SMC4: variants seen among roughly 807,000 people sequenced by gnomAD.
The protein encoded by SMC4 is structural maintenance of chromosomes protein 4.
SMC4 carries 87 observed loss-of-function variants against 145.6 expected under a neutral mutation model. The ratio of observed to expected loss-of-function variants is 0.60; its 90% CI spans 0.50 to 0.71. SMC4 has a LOEUF of 0.71. SMC4 is among the 30% of genes least tolerant of loss of function. SMC4 has a pLI of 0.00. For missense variants in SMC4, 1,447 were observed against 1,537.1 expected, an observed-to-expected ratio of 0.94 and a Z score of 0.98; for synonymous variants, 558 against 500.7, an observed-to-expected ratio of 1.11 and a Z score of -1.53.
chr3:160,404,078 T>G (rs1396999664), intron 4 of SMC4: 2 of 392,566 alleles, frequency 5.1e-6, no homozygotes, highest in Non-Finnish European at 9.0e-6. Context: ...GGAGGTGGGT[T>G]TTTTCGTTGG....
intron 13 of SMC4, among the ~76,000 whole-genome samples, chr3:160,421,649 CAGG>C (rs1560006171): frequency 7.9e-5 from 12 of 152,120 alleles, no homozygotes; most frequent in Admixed American, 7.2e-4. Context: ...GAGGCTGAAG[CAGG>C]AGAATTGCCT....
chr3:160,425,996 A>T, intron 16 of SMC4, 78 bp from the exon 17 acceptor site: 1 of 1,086,726 alleles, frequency 9.2e-7, no homozygotes, highest in Non-Finnish European at 1.3e-6. Context: ...TGAAGATTTT[A>T]AGTGCCCTTT....
At position 160,434,522 on chromosome 3, in the gene SMC4, T is replaced by C. The variant is rs1318634323; in HGVS notation, c.*713T>C. 1.3e-5 allele frequency: 2 copies of C among 152,232 alleles called. No individual in the cohort carries two copies. Among genetic ancestry groups the C allele is most frequent in the African/African-American group, 4.8e-5 (2 of 41,464 alleles). The allele number at this position is 152,232 out of a possible 1,614,324, so 9.4% of individuals were successfully genotyped here. A position where few individuals can be genotyped will look rare whatever the true frequency, so the allele number is the denominator to read the frequency against. ...ATGATAGGTTTATCCGGGTACTAAA[T>C]GCATTTCAACTTGATAGTTTCAACT... On this transcript the variant is annotated 3_prime_UTR_variant, in exon 24 of 24. Coordinates refer to ENST00000357388, the MANE Select transcript of SMC4 (RefSeq NM_001002800.3).
At chr3:160,412,230 T>C (rs1716069862) in intron 6 of SMC4, 96 bp from the exon 7 acceptor site, 5 of 1,425,714 alleles carry the variant, frequency 3.5e-6, no homozygotes, top group Admixed American at 4.5e-5. Flanking sequence ...ATGAACATTC[T>C]CCTTATTAAC....
At chr3:160,424,764 C>T (rs185769086) in intron 15 of SMC4, 103 bp from the exon 16 acceptor site, 85 of 1,279,434 alleles carry the variant, frequency 6.6e-5, no homozygotes, top group Admixed American at 6.4e-4. Flanking sequence ...GAGCTGAGAC[C>T]GCGCCATTGC....
At chr3:160,431,408 A>T (rs535443085) in intron 20 of SMC4, among the ~76,000 whole-genome samples, 2 of 152,322 alleles carry the variant, frequency 1.3e-5, no homozygotes, top group East Asian at 3.9e-4. Flanking sequence ...AGTAACGATT[A>T]GAATTAGACA....
At position 160,433,635 on chromosome 3, in the gene SMC4, ACTTTT is replaced by A. The variant is rs750486854; in HGVS notation, c.3715-17_3715-13del. The A allele has an allele frequency of 2.3e-5, 33 of 1,449,082 alleles. No homozygotes were observed. The highest frequency in any genetic ancestry group is 3.0e-5 in the Non-Finnish European group (32 of 1,069,314). 89.8% of individuals were successfully genotyped at this position (1,449,082 alleles called of 1,614,324 possible). A position where few individuals can be genotyped will look rare whatever the true frequency, so the allele number is the denominator to read the frequency against. ...TTTACCTGTTATTACTTAATGTTTG[ACTTTT>A]CTTTGTTTCTCTTTAGGAACAAACA... is the stretch of plus-strand genomic sequence containing the variant. On this transcript the variant is annotated splice_polypyrimidine_tract_variant and intron_variant, in intron 23 of 23. Coordinates refer to ENST00000357388, the MANE Select transcript of SMC4 (RefSeq NM_001002800.3).
chr3:160,419,034 T>C (rs914134396), intron 11 of SMC4, among the ~76,000 whole-genome samples: 2 of 152,206 alleles, frequency 1.3e-5, no homozygotes, highest in Non-Finnish European at 2.9e-5. Flanking sequence ...TAGGGCACAC[T>C]TATGTATAAC....
intron 6 of SMC4, 117 bp downstream of exon 6, chr3:160,412,201 T>G: frequency 7.0e-7 from 1 of 1,420,946 alleles, no homozygotes; most frequent in Non-Finnish European, 9.5e-7. Flanking sequence ...ATATTGAAAT[T>G]TATATCTTAA....
chr3:160,429,158 A>C (rs1718104344), intron 18 of SMC4, among the ~76,000 whole-genome samples: 1 of 152,152 alleles, frequency 6.6e-6, no homozygotes, highest in African/African-American at 2.4e-5. Context: ...ATGCCATAGG[A>C]AAGTACAGGT....
chr3:160,408,797 G>A (rs915559132), intron 5 of SMC4, among the ~76,000 whole-genome samples: 2 of 152,100 alleles, frequency 1.3e-5, no homozygotes, highest in Non-Finnish European at 2.9e-5. Flanking sequence ...AAGGAAGAAA[G>A]GAAATGGTAG....
In SMC4 at chr3:160,434,177, T is replaced by C. The variant is rs1718735213; in HGVS notation, c.*368T>C. ...AACACTGGAAATGCCTGCCAACTAA[T>C]CTTGGATAGATTCTTTAAGGCATTC... On this transcript the variant is annotated 3_prime_UTR_variant, in exon 24 of 24. Transcript: ENST00000357388. 2 of 169,116 alleles carry C rather than the reference T, an allele frequency of 1.2e-5. No homozygotes were observed. The highest frequency in any genetic ancestry group is 4.8e-5 in the African/African-American group (2 of 41,682). The allele number at this position is 169,116 out of a possible 1,614,324, so 10.5% of individuals were successfully genotyped here.
intron 7 of SMC4, 25 bp from the exon 8 acceptor site, chr3:160,413,444 ATTTC>A (rs1435153657): frequency 6.4e-7 from 1 of 1,557,694 alleles, no homozygotes. Context: ...AGGAGCTTCA[ATTTC>A]TTTTTTTTTT....
chr3:160,420,584 A>AG (rs1282369326), intron 12 of SMC4, 156 bp from the exon 13 acceptor site: 1 of 608,664 alleles, frequency 1.6e-6, no homozygotes, highest in African/African-American at 1.9e-5. Flanking sequence ...TCATAAACTT[A>AG]TACATATTTT....
At position 160,414,094 on chromosome 3, in the gene SMC4, A is replaced by G. The variant is rs569092049; in HGVS notation, c.1122-273A>G. Reference sequence around the variant, plus strand: ...AAGGTAAAACCAAAATTTTACTCCTATGGTAAAATTTTTATATACCTAGAC... The same window carrying G: ...AAGGTAAAACCAAAATTTTACTCCTGTGGTAAAATTTTTATATACCTAGAC... On this transcript the variant is annotated intron_variant, in intron 8 of 23. Coordinates refer to ENST00000357388, the MANE Select transcript of SMC4 (RefSeq NM_001002800.3). The G allele has an allele frequency of 7.6e-5, 34 of 449,232 alleles. No homozygotes were observed. The East Asian group carries it at 8.3e-4, about 11-fold the overall frequency. 27.8% of individuals were successfully genotyped at this position (449,232 alleles called of 1,614,324 possible).
chr3:160,424,103 ATTAT>A (rs1261791570), intron 15 of SMC4, among the ~76,000 whole-genome samples: 2 of 152,200 alleles, frequency 1.3e-5, no homozygotes, highest in Non-Finnish European at 2.9e-5. Flanking sequence ...AACTTACATA[ATTAT>A]TTCTGTTTTA....
At chr3:160,416,210 C>A in intron 9 of SMC4, 41 bp from the exon 10 acceptor site, 1 of 1,421,280 alleles carries the variant, frequency 7.0e-7, no homozygotes, top group South Asian at 1.5e-5. Context: ...TATTGGGTAA[C>A]ATAAAGATGT....
chr3:160,430,646 TAA>T lies in SMC4; in HGVS notation c.2846_2847del (p.Lys949ArgfsTer3), dbSNP rs751364967. ...TCTGTCTTGCGTACAGAGAAAGAAATAAAAGATACTGAGAAAGAGGTGGATGA... is the reference window on the plus strand; with the variant it reads ...TCTGTCTTGCGTACAGAGAAAGAAATAAGATACTGAGAAAGAGGTGGATGA... On this transcript the variant is annotated frameshift_variant, in exon 19 of 24. Coordinates refer to ENST00000357388, the MANE Select transcript of SMC4 (RefSeq NM_001002800.3). LOFTEE classifies it high-confidence loss of function. 2 of 1,613,428 alleles carry T rather than the reference TAA, an allele frequency of 1.2e-6. No individual in the cohort carries two copies. The highest frequency in any genetic ancestry group is 1.7e-6 in the Non-Finnish European group (2 of 1,179,726).
intron 5 of SMC4, among the ~76,000 whole-genome samples, chr3:160,411,173 AT>A (rs1301501166): frequency 6.6e-6 from 1 of 152,192 alleles, no homozygotes; most frequent in Admixed American, 6.5e-5. Flanking sequence ...TTAATCTAAG[AT>A]TTTAATTACA....
Sources: gnomAD v4.1 joint callset for allele counts (sites outside exome capture counted in the v4.1 genomes callset) on GRCh38, gnomAD v4.1.1 for gene constraint, MANE v1.5 for transcripts, NCBI Gene and HGNC (gene_info 2026-07-23, HGNC 2026-07-21) for gene names.